PKD1L3: variants seen among roughly 807,000 people sequenced by gnomAD.
The protein encoded by PKD1L3 is polycystin 1 like 3, transient receptor potential channel interacting, also known as polycystin-1-like protein 3.
PKD1L3 carries 239 observed loss-of-function variants against 184.1 expected under a neutral mutation model. The observed-to-expected ratio is 1.30, with a 90% CI of 1.17 to 1.45. The LOEUF (loss-of-function observed/expected upper bound fraction) is 1.45. Ranked by LOEUF, PKD1L3 falls within the 40% of genes most tolerant of loss-of-function variation. The probability of loss-of-function intolerance (pLI) is 0.00; values close to 1 mark genes in which losing one functional copy is unlikely to be tolerated. For missense variants in PKD1L3, 2,660 were observed against 2,067.2 expected, an observed-to-expected ratio of 1.29 and a Z score of -5.56; for synonymous variants, 996 against 778.8, an observed-to-expected ratio of 1.28 and a Z score of -4.64.
chr16:71,943,225 A>G (rs1319874937), intron 23 of PKD1L3, among the ~76,000 whole-genome samples: 1 of 152,112 alleles, frequency 6.6e-6, no homozygotes, highest in Non-Finnish European at 1.5e-5. Flanking sequence ...CTAATGATAC[A>G]TTTTACTTAA....
intron 23 of PKD1L3, among the ~76,000 whole-genome samples, chr16:71,943,537 CAAAA>C (rs10693124): frequency 5.9e-5 from 5 of 84,540 alleles, no homozygotes; most frequent in Non-Finnish European, 8.6e-5. Context: ...GACTCCGTCT[CAAAA>C]AAAAAAAAAA....
At chr16:71,990,454 C>T (rs912412543) in intron 3 of PKD1L3, 125 bp from the exon 4 acceptor site, 29 of 721,030 alleles carry the variant, frequency 4.0e-5, no homozygotes, top group Admixed American at 3.3e-4. Flanking sequence ...AAACCAAGGC[C>T]GGACATGGTA....
At chr16:71,994,963 G>C (rs2040732646) in intron 2 of PKD1L3, among the ~76,000 whole-genome samples, 1 of 152,086 alleles carries the variant, frequency 6.6e-6, no homozygotes, top group Non-Finnish European at 1.5e-5. Context: ...ACTCCAGCCT[G>C]GGCAACAAGA....
At chr16:71,962,827 T>C (rs1254885209) in intron 16 of PKD1L3, among the ~76,000 whole-genome samples, 3 of 152,186 alleles carry the variant, frequency 2.0e-5, no homozygotes, top group Admixed American at 6.6e-5. Flanking sequence ...AGCCCTCTAA[T>C]ACTTTCCTTT....
At chr16:71,977,503 A>C in intron 10 of PKD1L3, 36 bp from the exon 11 acceptor site, 1 of 1,441,220 alleles carries the variant, frequency 6.9e-7, no homozygotes, top group Non-Finnish European at 9.5e-7. Flanking sequence ...ATAATGGTCC[A>C]TCCATTGATG....
chr16:71,949,467 T>C (rs2038746039), intron 21 of PKD1L3, among the ~76,000 whole-genome samples: 1 of 151,638 alleles, frequency 6.6e-6, no homozygotes, highest in Non-Finnish European at 1.5e-5. Context: ...TCCTCCCACC[T>C]TAGACTCCTA....
intron 13 of PKD1L3, among the ~76,000 whole-genome samples, chr16:71,968,993 C>T (rs180912186): frequency 4.6e-5 from 7 of 151,876 alleles, no homozygotes; most frequent in East Asian, 1.9e-4. Flanking sequence ...GGGGCAATCT[C>T]GATCTCAGCT....
At chr16:71,970,327 G>C (rs1433723946) in intron 12 of PKD1L3, among the ~76,000 whole-genome samples, 6 of 152,172 alleles carry the variant, frequency 3.9e-5, no homozygotes, top group African/African-American at 1.4e-4. Flanking sequence ...TTCCAGTTCT[G>C]AGTGTATACA....
At chr16:71,986,147 G>A (rs2040352582) in intron 5 of PKD1L3, 74 bp downstream of exon 5, 1 of 1,500,018 alleles carries the variant, frequency 6.7e-7, no homozygotes, top group African/African-American at 1.4e-5. Context: ...TAGTTCTGCA[G>A]GGAGGCAAAT....
rs183468294 is a variant in PKD1L3, at chr16:71,930,154, G to A, written c.4956C>T (p.Thr1652=). 2.6e-6 allele frequency: 4 copies of A among 1,551,174 alleles called. No homozygotes were observed. In the East Asian group the frequency reaches 9.8e-5, roughly 38 times the overall value. ...EVFALDPVLG[T]FLILTSVILM... ...AGATGACACTGGTGAGGATCAGAAA[G>A]GTGCCCAGGACTGGGTCTAAAGCGA... The change falls in exon 29 of 30, where the codon ACC becomes ACT. Residue 1652 remains threonine, a synonymous_variant. Transcript: ENST00000620267.
chr16:71,930,090 T>G lies in PKD1L3; in HGVS notation c.5020A>C (p.Ile1674Leu). 1 of 1,551,538 alleles carries G rather than the reference T, an allele frequency of 6.4e-7. No homozygotes were observed. The highest frequency in any genetic ancestry group is 2.4e-5 in the East Asian group (1 of 40,918). Residue 1674 changes from isoleucine to leucine, a missense_variant, in exon 29 of 30, where the codon ATT becomes CTT. Ile to Leu is a conservative substitution (Grantham distance 5). Coordinates refer to ENST00000620267, the MANE Select transcript of PKD1L3 (RefSeq NM_181536.2). ...LVVINLFVSAILMAFGKERKS... is the reference protein window; with the variant it reads ...LVVINLFVSALLMAFGKERKS... ...CTTTCTTTTCCAAAGGCCATGAGAA[T>G]GGCCGAAACGAAAAGATTAATTACC...
At chr16:71,996,506 C>A (rs1000000653) in intron 2 of PKD1L3, among the ~76,000 whole-genome samples, 5 of 152,046 alleles carry the variant, frequency 3.3e-5, no homozygotes, top group African/African-American at 1.2e-4. Context: ...GTGATCCACC[C>A]GCCTTGGCCT....
intron 17 of PKD1L3, among the ~76,000 whole-genome samples, chr16:71,953,613 C>A (rs368537657): frequency 6.6e-6 from 1 of 152,120 alleles, no homozygotes; most frequent in Non-Finnish European, 1.5e-5. Flanking sequence ...TTTTAATCCC[C>A]GAGACGGGGT....
Position 71,977,461 on chromosome 16 carries a change from G to C in PKD1L3, c.1534C>G (p.Leu512Val). Residue 512 changes from leucine to valine, a missense_variant, in exon 11 of 30, where the codon CTC becomes GTC. Leu to Val is a conservative substitution (Grantham distance 32). Transcript: ENST00000620267. Reference protein sequence around the residue: ...HDLMEDIEIMLWRNVSLETHP... With the variant: ...HDLMEDIEIMVWRNVSLETHP... The stretch of plus-strand genomic sequence containing the variant: ...GTTTCCAAGCTAACATTTCTCCAGA[G>C]CATGATCTAGAATAAGAGACAGTTA... 1.3e-6 allele frequency: 2 copies of C among 1,543,942 alleles called. No individual in the cohort carries two copies. Among genetic ancestry groups the C allele is most frequent in the Non-Finnish European group, 1.8e-6 (2 of 1,140,112 alleles).
chr16:71,986,288 T>A lies in PKD1L3; in HGVS notation c.767A>T (p.Lys256Met). Residue 256 changes from lysine to methionine, a missense_variant, in exon 5 of 30, where the codon AAG (lysine) becomes ATG (methionine). Lys to Met is a moderately conservative substitution (Grantham distance 95). Coordinates refer to ENST00000620267, the MANE Select transcript of PKD1L3 (RefSeq NM_181536.2). ...GAAGGTATTCGGATGACCTTCTTCC[T>A]TTGGGCTTGAAGTTGTTTCTGCCAG... is the stretch of plus-strand genomic sequence containing the variant. ...QSLAETTSSP[K>M]EEGHPNTFTS... 6.4e-7 allele frequency: 1 copy of A among 1,552,250 alleles called. No individual in the cohort carries two copies. Among genetic ancestry groups the A allele is most frequent in the Non-Finnish European group, 8.7e-7 (1 of 1,147,118 alleles).
intron 2 of PKD1L3, among the ~76,000 whole-genome samples, chr16:71,995,583 A>T (rs925764567): frequency 6.6e-6 from 1 of 152,160 alleles, no homozygotes; most frequent in Non-Finnish European, 1.5e-5. Flanking sequence ...CATAGAGATA[A>T]CCCCACTGCA....
chr16:71,953,240 G>T, intron 17 of PKD1L3, 147 bp from the exon 18 acceptor site: 1 of 681,546 alleles, frequency 1.5e-6, no homozygotes, highest in Non-Finnish European at 2.3e-6. Context: ...ACCATGTTGT[G>T]TTCCTAATAC....
At chr16:71,966,579 A>G (rs1244044680) in intron 15 of PKD1L3, among the ~76,000 whole-genome samples, 1 of 151,962 alleles carries the variant, frequency 6.6e-6, no homozygotes, top group Non-Finnish European at 1.5e-5. Context: ...GGTGCACACA[A>G]CCATGCCTGG....
Position 71,967,962 on chromosome 16 carries a change from G to A in PKD1L3, c.2230C>T (p.His744Tyr), listed in dbSNP as rs1010442274. ...CCGGTGTAGACCTGAATAAGGTAGT[G>A]AAATTGAGCGCTGGGGTCATTATCA... Reference protein sequence around the residue: ...LADNDPSAQFHYLIQVYTGYR... With the variant: ...LADNDPSAQFYYLIQVYTGYR... Residue 744 changes from histidine to tyrosine, a missense_variant, in exon 14 of 30, where the codon CAC becomes TAC. Transcript: ENST00000620267. The A allele has an allele frequency of 1.3e-6, 2 of 1,551,624 alleles. No individual in the cohort carries two copies. The highest frequency in any genetic ancestry group is 1.7e-6 in the Non-Finnish European group (2 of 1,146,936).
Sources: allele counts gnomAD v4.1 joint callset (sites outside exome capture counted in the v4.1 genomes callset), GRCh38; gene constraint gnomAD v4.1.1; transcripts MANE v1.5; gene names NCBI Gene and HGNC (gene_info 2026-07-23, HGNC 2026-07-21).